The following CHST6 variants were observed in gnomAD, a reference collection of about 807,000 sequenced individuals.
CHST6 encodes carbohydrate sulfotransferase 6.
For synonymous variants in CHST6, 309 were observed against 276.4 expected (o/e 1.12, Z -1.17); for missense variants, 698 against 586.2 (o/e 1.19, Z -1.97).
At chr16:75,486,124 C>T (rs2080194897) in intron 1 of CHST6, among the ~76,000 whole-genome samples, 2 of 152,252 alleles carry the variant, frequency 1.3e-5, no homozygotes, top group African/African-American at 4.8e-5. Flanking sequence ...AGTGCGCAGC[C>T]CTGACTCCCA....
At chr16:75,490,897 A>T (rs2080245584) in intron 1 of CHST6, 1 of 152,140 alleles carries the variant, frequency 6.6e-6, no homozygotes, top group African/African-American at 2.4e-5. Flanking sequence ...ATGTGGTGTA[A>T]CCACACAGTA....
intron 1 of CHST6, among the ~76,000 whole-genome samples, chr16:75,487,578 T>C (rs2080212359): frequency 6.6e-6 from 1 of 151,718 alleles, no homozygotes; most frequent in African/African-American, 2.4e-5. Context: ...GTAGGGTGGA[T>C]CACAAGGTCA....
At position 75,479,309 on chromosome 16, in the gene CHST6, T is replaced by A; in HGVS notation, c.520A>T (p.Lys174Ter). 1.2e-6 allele frequency: 2 copies of A among 1,613,154 alleles called. No individual in the cohort carries two copies. The highest frequency in any genetic ancestry group is 2.7e-5 in the African/African-American group (2 of 75,012). ...TGCAGGTTGAAGAAGCGCACCTCCT[T>A]GAGCACCACGTGGCTGTAGGAGCGG... ...ACRSYSHVVL[K>*]EVRFFNLQVL... Residue 174 changes from lysine to a stop codon, truncating the protein, a stop_gained, in exon 3 of 3, where the codon AAG (lysine) becomes TAG (stop). Coordinates refer to ENST00000332272, the MANE Select transcript of CHST6 (RefSeq NM_021615.5). LOFTEE classifies it low-confidence loss of function (END_TRUNC).
intron 1 of CHST6, among the ~76,000 whole-genome samples, chr16:75,488,237 G>A (rs1175118422): frequency 6.6e-6 from 1 of 152,092 alleles, no homozygotes; most frequent in Non-Finnish European, 1.5e-5. Context: ...GCCGAGGCAG[G>A]TGGATCACCT....
chr16:75,492,104 C>T (rs1389077244), intron 1 of CHST6, among the ~76,000 whole-genome samples: 1 of 152,232 alleles, frequency 6.6e-6, no homozygotes, highest in Non-Finnish European at 1.5e-5. Flanking sequence ...AACAGATCTG[C>T]CTTCAAAATC....
chr16:75,490,423 A>G (rs1304594451), intron 1 of CHST6, among the ~76,000 whole-genome samples: 1 of 152,138 alleles, frequency 6.6e-6, no homozygotes, highest in African/African-American at 2.4e-5. Flanking sequence ...GGTTGTGGTG[A>G]GCCGAGATCG....
chr16:75,494,573 A>G (rs553468444), intron 1 of CHST6, among the ~76,000 whole-genome samples: 54 of 152,300 alleles, frequency 3.5e-4, no homozygotes, highest in African/African-American at 1.3e-3. Flanking sequence ...CAGGACTCCA[A>G]TTCCCCTGGG....
At chr16:75,490,442 C>T (rs2080242809) in intron 1 of CHST6, among the ~76,000 whole-genome samples, 1 of 152,192 alleles carries the variant, frequency 6.6e-6, no homozygotes, top group African/African-American at 2.4e-5. Context: ...CGCACCATTG[C>T]ACTCCAGCCT....
At chr16:75,491,190 A>AAATATATATATAT (rs1206595857) in intron 1 of CHST6, among the ~76,000 whole-genome samples, 25 of 50,070 alleles carry the variant, frequency 5.0e-4, no homozygotes, top group South Asian at 1.1e-3. Context: ...AAAAAAAAAA[A>AAATATATATATAT]ATATATATAT....
rs759029110 is a variant in CHST6 at position 75,479,090 on chromosome 16, G to C, written c.739C>G (p.Arg247Gly). Residue 247 changes from arginine (R) to glycine (G), a missense_variant, in exon 3 of 3, where the codon CGT (arginine) becomes GGT (glycine). Physicochemically the swap from Arg to Gly is moderately radical, Grantham distance 125. Coordinates refer to ENST00000332272, the MANE Select transcript of CHST6 (RefSeq NM_021615.5). ...GCCTCGGCGATGCGTACGTGGCTAC[G>C]GCACACCTCGCGCACCACGCGCAGG... ...PGLRVVREVC[R>G]SHVRIAEAAT... 7.5e-6 allele frequency: 12 copies of C among 1,605,098 alleles called. No homozygotes were observed. The South Asian group carries it at 1.3e-4, about 18-fold the overall frequency.
At chr16:75,486,861 G>C (rs1567413660) in intron 1 of CHST6, among the ~76,000 whole-genome samples, 1 of 152,212 alleles carries the variant, frequency 6.6e-6, no homozygotes, top group South Asian at 2.1e-4. Context: ...CAGGGGCAGA[G>C]CTTCTGGGGG....
chr16:75,478,282 C>G lies in CHST6; in HGVS notation c.*359G>C, dbSNP rs1186924932. ...AGTGCCTCTCCACTCCCAGCCAGTGCCAGGGCACCCCCTCAGCTGCTGCAG... is the reference window on the plus strand; with the variant it reads ...AGTGCCTCTCCACTCCCAGCCAGTGGCAGGGCACCCCCTCAGCTGCTGCAG... On this transcript the variant is annotated 3_prime_UTR_variant, in exon 3 of 3. Coordinates refer to ENST00000332272, the MANE Select transcript of CHST6 (RefSeq NM_021615.5). The G allele has an allele frequency of 2.7e-6, 1 of 374,314 alleles. No homozygotes were observed. The highest frequency in any genetic ancestry group is 2.1e-5 in the African/African-American group (1 of 47,900). 23.2% of individuals were successfully genotyped at this position (374,314 alleles called of 1,614,324 possible). A position where few individuals can be genotyped will look rare whatever the true frequency, so the allele number is the denominator to read the frequency against.
At chr16:75,491,427 T>G (rs1040837846) in intron 1 of CHST6, among the ~76,000 whole-genome samples, 10 of 151,826 alleles carry the variant, frequency 6.6e-5, no homozygotes, top group African/African-American at 2.4e-4. Flanking sequence ...TGGAGTGCAG[T>G]GGCACGATCT....
chr16:75,479,887 G>A (rs1487645629), intron 2 of CHST6, 43 bp from the exon 3 acceptor site: 4 of 1,504,268 alleles, frequency 2.7e-6, no homozygotes, highest in African/African-American at 1.4e-5. Flanking sequence ...CAGCCTGCAC[G>A]CCCATCCCGT....
rs751564540 is a variant in CHST6, at chr16:75,479,314, A to G, written c.515T>C (p.Val172Ala). 3.1e-6 allele frequency: 5 copies of G among 1,613,222 alleles called. No homozygotes were observed. The East Asian group carries it at 1.1e-4, about 36-fold the overall frequency. ...REACRSYSHV[V>A]LKEVRFFNLQ... ...GTTGAAGAAGCGCACCTCCTTGAGC[A>G]CCACGTGGCTGTAGGAGCGGCAGGC... Residue 172 changes from valine to alanine, a missense_variant, in exon 3 of 3, where the codon GTG becomes GCG. By Grantham distance (64) the Val-to-Ala change is moderately conservative. Coordinates refer to ENST00000332272, the MANE Select transcript of CHST6 (RefSeq NM_021615.5).
At position 75,474,423 on chromosome 16, in the gene CHST6, C is replaced by T. The variant is rs866178008; in HGVS notation, c.*4218G>A. On this transcript the variant is annotated 3_prime_UTR_variant, in exon 3 of 3. Transcript: ENST00000332272. The stretch of plus-strand genomic sequence containing the variant: ...CCAAGTAGCTAGGACTACAGGTGCA[C>T]GACACCATGCCCTGCTAATTTTTTT... 41 of 384,790 alleles carry T rather than the reference C, an allele frequency of 1.1e-4. No homozygotes were observed. Among genetic ancestry groups the T allele is most frequent in the African/African-American group, 5.8e-4 (28 of 48,350 alleles). The allele number at this position is 384,790 out of a possible 1,614,324, so 23.8% of individuals were successfully genotyped here.
At position 75,478,557 on chromosome 16, in the gene CHST6, G is replaced by A; in HGVS notation, c.*84C>T. The A allele has an allele frequency of 7.2e-7, 1 of 1,385,022 alleles. No individual in the cohort carries two copies. The highest frequency in any genetic ancestry group is 1.4e-5 in the African/African-American group (1 of 70,568). 85.8% of individuals were successfully genotyped at this position (1,385,022 alleles called of 1,614,324 possible). On this transcript the variant is annotated 3_prime_UTR_variant, in exon 3 of 3. Transcript: ENST00000332272. ...CCACAAACTCCTTGGTCAATATAGGGACCTGCTTCTCCGTGCGCCCCAGCC... is the reference window on the plus strand; with the variant it reads ...CCACAAACTCCTTGGTCAATATAGGAACCTGCTTCTCCGTGCGCCCCAGCC...
rs1262168385 is a variant in CHST6 at position 75,478,857 on chromosome 16, C to A, written c.972G>T (p.Arg324Ser). The A allele has an allele frequency of 3.7e-6, 6 of 1,613,486 alleles. No individual in the cohort carries two copies. Among genetic ancestry groups the A allele is most frequent in the Non-Finnish European group, 5.1e-6 (6 of 1,179,980 alleles). ...ARREAFKTSS[R>S]NALNVSQAWR... Reference sequence around the variant, plus strand: ...AGGCCTGGGAGACGTTGAGCGCATTCCTGGACGAAGTCTTGAAGGCTTCGC... The same window carrying A: ...AGGCCTGGGAGACGTTGAGCGCATTACTGGACGAAGTCTTGAAGGCTTCGC... Residue 324 changes from arginine (R) to serine (S), a missense_variant, in exon 3 of 3, where the codon AGG becomes AGT. Transcript: ENST00000332272.
chr16:75,479,345 G>T lies in CHST6; in HGVS notation c.484C>A (p.Arg162=), dbSNP rs117435647. The T allele has an allele frequency of 5.6e-6, 9 of 1,612,612 alleles. No individual in the cohort carries two copies. In the East Asian group the frequency reaches 1.3e-4, roughly 24 times the overall value. ...LCARQSFTLA[R]EACRSYSHVV... ...TGGCTGTAGGAGCGGCAGGCCTCCC[G>T]GGCCAGGGTGAAGGACTGCCGCGCG... Residue 162 remains arginine (R), a synonymous_variant, in exon 3 of 3, where the codon CGG becomes AGG. Coordinates refer to ENST00000332272, the MANE Select transcript of CHST6 (RefSeq NM_021615.5).
Sources: gnomAD v4.1 joint callset for allele counts (sites outside exome capture counted in the v4.1 genomes callset) on GRCh38, gnomAD v4.1.1 for gene constraint, MANE v1.5 for transcripts, NCBI Gene and HGNC (gene_info 2026-07-23, HGNC 2026-07-21) for gene names.